The following ARHGEF17 variants were observed in gnomAD, a reference collection of about 807,000 sequenced individuals.
The protein encoded by ARHGEF17 is Rho guanine nucleotide exchange factor 17.
A neutral mutation model predicts 174.0 loss-of-function variants in ARHGEF17; 80 were observed. The ratio of observed to expected loss-of-function variants is 0.46; its 90% confidence interval spans 0.38 to 0.55. The LOEUF (loss-of-function observed/expected upper bound fraction) is 0.55, where lower values mean the gene tolerates loss of function less well. ARHGEF17 is among the 20% of genes least tolerant of loss of function. ARHGEF17 has a pLI of 0.00. For synonymous variants in ARHGEF17, 1,311 were observed against 1,189.1 expected, an observed-to-expected ratio of 1.10 and a Z score of -2.11; for missense variants, 2,886 against 2,839.7, an observed-to-expected ratio of 1.02 and a Z score of -0.37.
At chr11:73,326,073 C>T (rs1865097590) in intron 1 of ARHGEF17, among the ~76,000 whole-genome samples, 1 of 152,220 alleles carries the variant, frequency 6.6e-6, no homozygotes, top group Admixed American at 6.5e-5. Flanking sequence ...GCACTGTGGC[C>T]CACTGGTGCC....
Position 73,365,245 on chromosome 11 carries a change from T to C in ARHGEF17, c.5551-145T>C. 3.4e-6 allele frequency: 3 copies of C among 871,868 alleles called. No homozygotes were observed. Among genetic ancestry groups the C allele is most frequent in the Non-Finnish European group, 5.3e-6 (3 of 570,924 alleles). 54.0% of individuals were successfully genotyped at this position (871,868 alleles called of 1,614,324 possible). A position where few individuals can be genotyped will look rare whatever the true frequency, so the allele number is the denominator to read the frequency against. ...TGAGAACTAAGTTGGGAGGTGCTGGTGAAACCAAGCTTCGAAAGGTTAATC... is the reference window on the plus strand; with the variant it reads ...TGAGAACTAAGTTGGGAGGTGCTGGCGAAACCAAGCTTCGAAAGGTTAATC... On this transcript the variant is annotated intron_variant, in intron 18 of 20. Transcript: ENST00000263674. This position sits in a 1 kb window ranked among gnomAD's most constrained non-coding sequence, Gnocchi z 4.9.
intron 1 of ARHGEF17, among the ~76,000 whole-genome samples, chr11:73,320,951 C>T (rs1009570455): frequency 1.1e-4 from 16 of 152,122 alleles, no homozygotes; most frequent in South Asian, 4.1e-4. Flanking sequence ...CATGAGCCAC[C>T]GCACCCAGCC....
In ARHGEF17 at chr11:73,309,966, C is replaced by G. The variant is rs372512796; in HGVS notation, c.1328C>G (p.Ser443Cys). 2.5e-6 allele frequency: 4 copies of G among 1,613,942 alleles called. No individual in the cohort carries two copies. The highest frequency in any genetic ancestry group is 1.6e-4 in the Middle Eastern group (1 of 6,062). ...RTRAKGPGGT[S>C]RALRDGGFEP... Reference sequence around the variant, plus strand: ...CGTGCCAAAGGACCTGGAGGCACCTCTAGGGCATTGAGGGATGGAGGATTT... The same window carrying G: ...CGTGCCAAAGGACCTGGAGGCACCTGTAGGGCATTGAGGGATGGAGGATTT... Residue 443 changes from serine (S) to cysteine (C), a missense_variant, in exon 1 of 21, where the codon TCT becomes TGT. By Grantham distance (112) the Ser-to-Cys change is moderately radical. Around this residue, in one of 4 missense-constraint regions of ARHGEF17, gnomAD observed 1,728 missense variants for 1,461.2 expected, o/e 1.18. Transcript: ENST00000263674.
At position 73,310,804 on chromosome 11, in the gene ARHGEF17, G is replaced by T. The variant is rs139702671; in HGVS notation, c.2166G>T (p.Leu722Phe). ...CTTCAGGTTCTGGTGGGAGCGAATTGAGCAATGGGGAGGCAGGGGAGGCCT... is the reference window on the plus strand; with the variant it reads ...CTTCAGGTTCTGGTGGGAGCGAATTTAGCAATGGGGAGGCAGGGGAGGCCT... Reference protein sequence around the residue: ...VPPSGSGGSELSNGEAGEAYR... With the variant: ...VPPSGSGGSEFSNGEAGEAYR... The change falls in exon 1 of 21, where the codon TTG becomes TTT. Residue 722 changes from leucine to phenylalanine, a missense_variant. Transcript: ENST00000263674. 1.3e-3 allele frequency: 2,166 copies of T among 1,612,024 alleles called. 3 individuals carry two copies. The highest frequency in any genetic ancestry group is 1.4e-3 in the Non-Finnish European group (1,601 of 1,179,692).
chr11:73,356,587 G>A lies in ARHGEF17; in HGVS notation c.3841-122G>A, dbSNP rs770019536. 4.5e-5 allele frequency: 59 copies of A among 1,324,616 alleles called. 1 individual carries two copies. The highest frequency in any genetic ancestry group is 6.2e-5 in the Non-Finnish European group (59 of 948,164). 82.1% of individuals were successfully genotyped at this position (1,324,616 alleles called of 1,614,324 possible). A position where few individuals can be genotyped will look rare whatever the true frequency, so the allele number is the denominator to read the frequency against. On this transcript the variant is annotated intron_variant, in intron 6 of 20. Coordinates refer to ENST00000263674, the MANE Select transcript of ARHGEF17 (RefSeq NM_014786.4). ...CTGGCAGCACAAGGGCATTGAGGGT[G>A]GGAAGCATGCTGCTTCCATTGGCCT...
In ARHGEF17 at chr11:73,310,147, T is replaced by TCTA. The variant is rs772316171; in HGVS notation, c.1509_1510insCTA (p.Asp503_Gly504insLeu). 6.2e-7 allele frequency: 1 copy of TCTA among 1,613,940 alleles called. No homozygotes were observed. The highest frequency in any genetic ancestry group is 8.5e-7 in the Non-Finnish European group (1 of 1,179,988). The stretch of plus-strand genomic sequence containing the variant: ...GGGACCGTGGAAGCAACCCCCTAGA[T>TCTA]GGCAGAGACTCACCATCCGCAGGTG... On this transcript the variant is annotated inframe_insertion, in exon 1 of 21. Transcript: ENST00000263674.
intron 1 of ARHGEF17, among the ~76,000 whole-genome samples, chr11:73,318,538 G>T (rs1451815032): frequency 6.6e-6 from 1 of 152,232 alleles, no homozygotes; most frequent in African/African-American, 2.4e-5. Context: ...GCTGAGGTGG[G>T]AGGATGGCTT....
At position 73,364,957 on chromosome 11, in the gene ARHGEF17, CAT is replaced by C. The variant is rs1424638166; in HGVS notation, c.5550+358_5550+359del. 3.6e-4 allele frequency: 111 copies of C among 307,064 alleles called. No homozygotes were observed. In the East Asian group the frequency reaches 5.2e-3, roughly 14 times the overall value. The allele number at this position is 307,064 out of a possible 1,614,324, so 19.0% of individuals were successfully genotyped here. A position where few individuals can be genotyped will look rare whatever the true frequency, so the allele number is the denominator to read the frequency against. On this transcript the variant is annotated intron_variant, in intron 18 of 20. Coordinates refer to ENST00000263674, the MANE Select transcript of ARHGEF17 (RefSeq NM_014786.4). ...TATTGCTGCACATGTCACTTGCACACATGTCAGAAGTATCCAGGGGCAACGGG... is the reference window on the plus strand; with the variant it reads ...TATTGCTGCACATGTCACTTGCACACGTCAGAAGTATCCAGGGGCAACGGG...
intron 1 of ARHGEF17, among the ~76,000 whole-genome samples, chr11:73,336,842 T>C (rs1266339713): frequency 6.6e-6 from 1 of 152,198 alleles, no homozygotes; most frequent in Non-Finnish European, 1.5e-5. Flanking sequence ...AATTGGTGAT[T>C]AATGCTGGCA....
rs1185546382 is a variant in ARHGEF17 at position 73,365,484 on chromosome 11, A to G, written c.5645A>G (p.His1882Arg). The change falls in exon 19 of 21, where the codon CAC becomes CGC. Residue 1882 changes from histidine (H) to arginine (R), a missense_variant. Transcript: ENST00000263674. The surrounding 1 kb of genome is among the most constrained non-coding windows in gnomAD (Gnocchi z 4.9). ...GVWVTLKGSA[H>R]VCLYHPDTFE... ...TGGGTGACATTGAAAGGTAGTGCCC[A>G]CGTGTGTCTCTACCATCCAGACACC... The G allele has an allele frequency of 6.2e-7, 1 of 1,614,104 alleles. No individual in the cohort carries two copies. The highest frequency in any genetic ancestry group is 2.2e-5 in the East Asian group (1 of 44,878).
chr11:73,365,318 G>T lies in ARHGEF17; in HGVS notation c.5551-72G>T. 6.4e-7 allele frequency: 1 copy of T among 1,558,000 alleles called. No individual in the cohort carries two copies. Among genetic ancestry groups the T allele is most frequent in the South Asian group, 1.2e-5 (1 of 85,440 alleles). On this transcript the variant is annotated intron_variant, in intron 18 of 20. Transcript: ENST00000263674. The surrounding 1 kb of genome is among the most constrained non-coding windows in gnomAD (Gnocchi z 4.9). ...TGAGTTGTGAGGGATGGACACTGGT[G>T]AAGCTCCAGGCTAGGGTGGGCCAAG...
chr11:73,327,582 A>T (rs1038699674), intron 1 of ARHGEF17, among the ~76,000 whole-genome samples: 4 of 152,196 alleles, frequency 2.6e-5, no homozygotes, highest in African/African-American at 9.7e-5. Flanking sequence ...AAAAATGTAG[A>T]ATGAGTAGGA....
Position 73,308,452 on chromosome 11 carries a change from G to A in ARHGEF17, c.-187G>A, listed in dbSNP as rs952649458. ...GGGAGGGGCCGCCCGGGATGGAGAC[G>A]TTGCGGCCGGTGGCCACAGAAACTT... is the stretch of plus-strand genomic sequence containing the variant. On this transcript the variant is annotated 5_prime_UTR_variant, in exon 1 of 21. Coordinates refer to ENST00000263674, the MANE Select transcript of ARHGEF17 (RefSeq NM_014786.4). The A allele has an allele frequency of 3.1e-5, 16 of 513,056 alleles. No individual in the cohort carries two copies. The highest frequency in any genetic ancestry group is 4.4e-5 in the Admixed American group (1 of 22,662). The allele number at this position is 513,056 out of a possible 1,614,324, so 31.8% of individuals were successfully genotyped here.
intron 1 of ARHGEF17, among the ~76,000 whole-genome samples, chr11:73,335,282 G>T (rs144698783): frequency 2.0e-5 from 3 of 152,338 alleles, no homozygotes; most frequent in African/African-American, 7.2e-5. Context: ...GGACCCAGAA[G>T]ATCTGGGTTC....
intron 14 of ARHGEF17, 122 bp downstream of exon 14, chr11:73,362,856 A>G (rs886818053): frequency 1.0e-5 from 13 of 1,256,218 alleles, no homozygotes; most frequent in Non-Finnish European, 1.3e-5. Context: ...ATGTTAGCAC[A>G]CAGAGCAATG....
chr11:73,333,493 CTT>C (rs2134401875), intron 1 of ARHGEF17, among the ~76,000 whole-genome samples: 1 of 152,392 alleles, frequency 6.6e-6, no homozygotes, highest in South Asian at 2.1e-4. Context: ...GCAGAGACCA[CTT>C]CTTCCAGAGG....
rs564368677 is a variant in ARHGEF17 at position 73,363,707 on chromosome 11, G to T, written c.5247-40G>T. ...GAGGGATGACTCCAGGGGCTGGTGTGCCCCAAGCATTTGTCCCAGGTGCAT... is the reference window on the plus strand; with the variant it reads ...GAGGGATGACTCCAGGGGCTGGTGTTCCCCAAGCATTTGTCCCAGGTGCAT... On this transcript the variant is annotated intron_variant, in intron 15 of 20. Transcript: ENST00000263674. 99 of 1,606,764 alleles carry T rather than the reference G, an allele frequency of 6.2e-5. 1 individual carries two copies. In the South Asian group the frequency reaches 1.1e-3, roughly 17 times the overall value.
In ARHGEF17 at chr11:73,360,396, C is replaced by G; in HGVS notation, c.4283C>G (p.Ala1428Gly). ...TCGGAGAAGCAGGCGCTGTGCTACG[C>G]GCTTTCCTTCCCGCCAACCAAGCTG... ...DLSEKQALCY[A>G]LSFPPTKLEL... The change falls in exon 11 of 21, where the codon GCG (alanine) becomes GGG (glycine). Residue 1428 changes from alanine to glycine, a missense_variant. By Grantham distance (60) the Ala-to-Gly change is moderately conservative. Around this residue, in one of 4 missense-constraint regions of ARHGEF17, gnomAD observed 476 missense variants for 473.1 expected, o/e 1.01. Transcript: ENST00000263674. The G allele has an allele frequency of 1.2e-6, 2 of 1,613,946 alleles. No individual in the cohort carries two copies. Among genetic ancestry groups the G allele is most frequent in the South Asian group, 1.1e-5 (1 of 91,092 alleles).
At chr11:73,345,225 C>T (rs1401896399) in intron 1 of ARHGEF17, among the ~76,000 whole-genome samples, 1 of 152,126 alleles carries the variant, frequency 6.6e-6, no homozygotes, top group African/African-American at 2.4e-5. Context: ...GTCTGCTTGT[C>T]TCCAGAGGCT....
Sources: gnomAD v4.1 joint callset for allele counts (sites outside exome capture counted in the v4.1 genomes callset) on GRCh38, gnomAD v4.1.1 for gene constraint, gnomAD v4.1.1 regional missense constraint, Gnocchi (gnomAD v3.1) non-coding constraint, MANE v1.5 for transcripts, NCBI Gene and HGNC (gene_info 2026-07-23, HGNC 2026-07-21) for gene names.